The following CCSER1 variants were observed in gnomAD, a reference collection of about 807,000 sequenced individuals.
CCSER1 encodes coiled-coil serine rich protein 1.
A neutral mutation model predicts 82.0 loss-of-function variants in CCSER1; 41 were observed. The observed-to-expected ratio is 0.50, with a 90% CI of 0.39 to 0.65. CCSER1 has a LOEUF of 0.65. Among genes scored for constraint, CCSER1 ranks in the 30% least tolerant of loss-of-function variants. The pLI is 0.00. For synonymous variants in CCSER1, 414 were observed against 383.9 expected, an observed-to-expected ratio of 1.08 and a Z score of -0.92; for missense variants, 1,119 against 1,064.2, an observed-to-expected ratio of 1.05 and a Z score of -0.72.
At chr4:91,086,426 A>T (rs1353422318) in intron 10 of CCSER1, among the ~76,000 whole-genome samples, 2 of 152,100 alleles carry the variant, frequency 1.3e-5, no homozygotes, top group Non-Finnish European at 2.9e-5. Context: ...CTAGGTTGGT[A>T]TGCATTATTA....
intron 6 of CCSER1, among the ~76,000 whole-genome samples, chr4:90,700,243 G>C (rs1737797814): frequency 6.6e-6 from 1 of 152,006 alleles, no homozygotes; most frequent in Non-Finnish European, 1.5e-5. Context: ...TGGTGTGTTT[G>C]GTTTTTTGTC....
chr4:91,024,358 T>A (rs1260569905), intron 9 of CCSER1, among the ~76,000 whole-genome samples: 3 of 152,208 alleles, frequency 2.0e-5, no homozygotes, highest in African/African-American at 7.2e-5. Context: ...TGTATGTTTT[T>A]GCTTTTAAAT....
intron 9 of CCSER1, among the ~76,000 whole-genome samples, chr4:90,944,049 A>G (rs1314170532): frequency 6.6e-6 from 1 of 151,580 alleles, no homozygotes; most frequent in Non-Finnish European, 1.5e-5. Context: ...GCCTGGGCAA[A>G]ACGGTGAAAC....
rs140592613 is a variant in CCSER1, at chr4:90,512,246, C to T, written c.1724+43892C>T. Among the ~76,000 whole-genome samples the T allele has an allele frequency of 1.1e-3, 173 of 151,652 alleles. 4 individuals carry two copies. The East Asian group carries it at 0.028, about 25-fold the overall frequency. ...CACTGTCTCTACTCCATACCCCACT[C>T]CTTTTCTGGGTTCTACTATGGTGCC... On this transcript the variant is annotated intron_variant, in intron 5 of 10. Coordinates refer to ENST00000509176, the MANE Select transcript of CCSER1 (RefSeq NM_001145065.2).
intron 10 of CCSER1, among the ~76,000 whole-genome samples, chr4:91,345,359 C>T (rs1747984999): frequency 6.6e-6 from 1 of 151,948 alleles, no homozygotes; most frequent in Admixed American, 6.6e-5. Flanking sequence ...TGCACTCCAG[C>T]CTGGGAGACA....
Position 90,391,446 on chromosome 4 carries a change from A to G in CCSER1, c.1510-8590A>G, listed in dbSNP as rs61438229. ...CCTATATATATAAATATATGGGGGT[A>G]TATATATATATATATATATATATAT... On this transcript the variant is annotated intron_variant, in intron 3 of 10. Coordinates refer to ENST00000509176, the MANE Select transcript of CCSER1 (RefSeq NM_001145065.2). Among the ~76,000 whole-genome samples, 52 of 38,698 alleles carry G rather than the reference A, an allele frequency of 1.3e-3. No homozygotes were observed. In the South Asian group the frequency reaches 0.015, roughly 11 times the overall value. The allele number at this position is 38,698 out of a possible 152,430, so 25.4% of individuals were successfully genotyped here. A position where few individuals can be genotyped will look rare whatever the true frequency, so the allele number is the denominator to read the frequency against.
intron 10 of CCSER1, among the ~76,000 whole-genome samples, chr4:91,089,556 T>C (rs1369449846): frequency 1.3e-5 from 2 of 152,244 alleles, no homozygotes; most frequent in East Asian, 3.8e-4. Context: ...TCACTACTTA[T>C]GTCTTCCCGT....
chr4:91,218,891 A>G (rs1340048044), intron 10 of CCSER1, among the ~76,000 whole-genome samples: 2 of 152,208 alleles, frequency 1.3e-5, no homozygotes, highest in African/African-American at 4.8e-5. Context: ...ATTCTTGGTA[A>G]TTGACGTAAT....
intron 10 of CCSER1, among the ~76,000 whole-genome samples, chr4:91,519,484 T>G (rs781418699): frequency 4.6e-5 from 7 of 152,222 alleles, no homozygotes; most frequent in Non-Finnish European, 1.0e-4. Context: ...TTCCTGGATC[T>G]AGCCCCCTTC....
intron 5 of CCSER1, among the ~76,000 whole-genome samples, chr4:90,535,075 A>T (rs1323887196): frequency 6.6e-6 from 1 of 152,202 alleles, no homozygotes; most frequent in Non-Finnish European, 1.5e-5. Context: ...AAAATAAATA[A>T]CATTAACTAC....
intron 10 of CCSER1, chr4:91,319,684 T>A (rs1746065150): frequency 2.2e-6 from 1 of 455,768 alleles, no homozygotes; most frequent in Admixed American, 2.4e-5. Flanking sequence ...CTTCTCCACT[T>A]AGTCTTCTGA....
intron 7 of CCSER1, among the ~76,000 whole-genome samples, chr4:90,751,465 T>C (rs529645289): frequency 2.0e-5 from 3 of 152,090 alleles, no homozygotes; most frequent in Non-Finnish European, 4.4e-5. Flanking sequence ...GTGTAACATA[T>C]GGTGTTTACA....
At chr4:90,180,263 A>G in intron 1 of CCSER1, among the ~76,000 whole-genome samples, 1 of 152,014 alleles carries the variant, frequency 6.6e-6, no homozygotes, top group East Asian at 1.9e-4. Context: ...TTTCTGAAGT[A>G]TCATAAAGCA....
chr4:90,931,223 T>C (rs1729770336), intron 9 of CCSER1, among the ~76,000 whole-genome samples: 1 of 151,374 alleles, frequency 6.6e-6, no homozygotes. Flanking sequence ...AAAAGTTTGC[T>C]TTTATTTGAT....
intron 6 of CCSER1, among the ~76,000 whole-genome samples, chr4:90,711,692 G>C (rs374389452): frequency 2.6e-5 from 4 of 151,210 alleles, no homozygotes; most frequent in South Asian, 4.2e-4. Context: ...ACTTGATCAT[G>C]GTGGATAAAC....
At chr4:91,491,433 G>T (rs1435771015) in intron 10 of CCSER1, among the ~76,000 whole-genome samples, 1 of 151,978 alleles carries the variant, frequency 6.6e-6, no homozygotes, top group Non-Finnish European at 1.5e-5. Context: ...TTAGATGTCA[G>T]CTATACTCAT....
chr4:91,268,316 G>A (rs1197229958), intron 10 of CCSER1, among the ~76,000 whole-genome samples: 1 of 152,148 alleles, frequency 6.6e-6, no homozygotes, highest in Non-Finnish European at 1.5e-5. Context: ...TTATTGGGGG[G>A]ATGTGAGGAT....
At chr4:90,694,589 T>C (rs544924664) in intron 6 of CCSER1, among the ~76,000 whole-genome samples, 2 of 151,900 alleles carry the variant, frequency 1.3e-5, no homozygotes, top group East Asian at 1.9e-4. Context: ...CTCAAAGTAT[T>C]ATATTATTTG....
intron 3 of CCSER1, among the ~76,000 whole-genome samples, chr4:90,330,195 TG>T (rs1739026825): frequency 1.3e-5 from 2 of 152,278 alleles, no homozygotes; most frequent in South Asian, 4.1e-4. Context: ...TTTATTCTAT[TG>T]GAAGGATACT....
Sources: allele counts gnomAD v4.1 joint callset (sites outside exome capture counted in the v4.1 genomes callset), GRCh38; gene constraint gnomAD v4.1.1; transcripts MANE v1.5; gene names NCBI Gene and HGNC (gene_info 2026-07-23, HGNC 2026-07-21).